Variants in PRDM15 observed in about 807,000 individuals in gnomAD.
PRDM15 encodes the protein PR domain zinc finger protein 15.
Under a neutral mutation model 128.6 loss-of-function variants are expected in PRDM15, and 64 were observed. That is an observed-to-expected ratio of 0.50 (90% CI 0.41 to 0.61). PRDM15 has a LOEUF of 0.61. Ranked by LOEUF, PRDM15 falls within the 20% of genes least tolerant of loss-of-function variation. The probability of loss-of-function intolerance (pLI) is 0.00; values close to 1 mark genes in which losing one functional copy is unlikely to be tolerated. For synonymous variants in PRDM15, 615 were observed against 621.8 expected (o/e 0.99, Z 0.16); for missense variants, 1,242 against 1,569.1 (o/e 0.79, Z 3.52).
chr21:41,839,603 C>G lies in PRDM15; in HGVS notation c.871+20G>C. The G allele has an allele frequency of 6.2e-7, 1 of 1,603,034 alleles. No homozygotes were observed. Among genetic ancestry groups the G allele is most frequent in the South Asian group, 1.1e-5 (1 of 90,934 alleles). The stretch of plus-strand genomic sequence containing the variant: ...GGCTGCGCCCCACGCAGGCACTCAT[C>G]CCCGGGACCCGCTCATCACCTGTGG... On this transcript the variant is annotated intron_variant, in intron 7 of 23. Coordinates refer to ENST00000398548, the MANE Select transcript of PRDM15 (RefSeq NM_001040424.3).
At position 41,839,668 on chromosome 21, in the gene PRDM15, T is replaced by C. The variant is rs369015399; in HGVS notation, c.826A>G (p.Lys276Glu). 4.3e-6 allele frequency: 7 copies of C among 1,614,270 alleles called. No homozygotes were observed. Among genetic ancestry groups the C allele is most frequent in the Non-Finnish European group, 5.9e-6 (7 of 1,180,052 alleles). The change falls in exon 7 of 24, where the codon AAA becomes GAA. Residue 276 changes from lysine to glutamate, a missense_variant. Coordinates refer to ENST00000398548, the MANE Select transcript of PRDM15 (RefSeq NM_001040424.3). Reference sequence around the variant, plus strand: ...ACGATGACTAGAGGCTGCTCAGCTTTGGACACTTTGGGTTTTCTCCCCCTT... The same window carrying C: ...ACGATGACTAGAGGCTGCTCAGCTTCGGACACTTTGGGTTTTCTCCCCCTT... ...PRRGRKPKVS[K>E]AEQPLVIVED... is the part of the protein sequence containing the mutation.
At chr21:41,803,500 C>T (rs568042557) in intron 22 of PRDM15, among the ~76,000 whole-genome samples, 1 of 152,234 alleles carries the variant, frequency 6.6e-6, no homozygotes. Context: ...CAGGCTCGCT[C>T]AGGCTCACAG....
chr21:41,836,667 T>A lies in PRDM15; in HGVS notation c.1002-18A>T. 6.3e-7 allele frequency: 1 copy of A among 1,576,908 alleles called. No homozygotes were observed. Among genetic ancestry groups the A allele is most frequent in the Non-Finnish European group, 8.7e-7 (1 of 1,153,206 alleles). On this transcript the variant is annotated intron_variant, in intron 8 of 23. Coordinates refer to ENST00000398548, the MANE Select transcript of PRDM15 (RefSeq NM_001040424.3). Reference sequence around the variant, plus strand: ...GGGTGAACCTGCCCAGGGACGTCAATAAGTTGGGAAAAGACAGGTGGGAAA... The same window carrying A: ...GGGTGAACCTGCCCAGGGACGTCAAAAAGTTGGGAAAAGACAGGTGGGAAA...
intron 1 of PRDM15, chr21:41,877,508 G>C (rs2064463382): frequency 6.6e-6 from 1 of 152,252 alleles, no homozygotes; most frequent in African/African-American, 2.4e-5. Flanking sequence ...AACGGAGTCT[G>C]AAAAATCATT....
At chr21:41,830,417 A>G (rs905241396) in intron 11 of PRDM15, among the ~76,000 whole-genome samples, 2,283 of 151,270 alleles carry the variant, frequency 0.015, 32 homozygotes, top group Non-Finnish European at 0.02. Flanking sequence ...TAAATACACA[A>G]TCACATATCA....
chr21:41,829,718 A>T (rs969319845), intron 11 of PRDM15, among the ~76,000 whole-genome samples: 2 of 151,030 alleles, frequency 1.3e-5, no homozygotes, highest in African/African-American at 4.9e-5. Context: ...TACCACACAC[A>T]CGAGCCCCAC....
chr21:41,868,691 T>C (rs1479580738), intron 1 of PRDM15, among the ~76,000 whole-genome samples: 36 of 98,472 alleles, frequency 3.7e-4, no homozygotes, highest in South Asian at 1.0e-3. Context: ...CCTTTTTCTT[T>C]TTCTTTTTTT....
chr21:41,864,940 C>T (rs1269368759), intron 1 of PRDM15, among the ~76,000 whole-genome samples: 5 of 149,588 alleles, frequency 3.3e-5, no homozygotes, highest in African/African-American at 1.2e-4. Context: ...GGTCCTGCCT[C>T]TGGGCCTTTC....
chr21:41,851,332 A>G (rs1242414325), intron 5 of PRDM15, among the ~76,000 whole-genome samples: 1 of 152,210 alleles, frequency 6.6e-6, no homozygotes, highest in Non-Finnish European at 1.5e-5. Flanking sequence ...CTTGTTATCT[A>G]TCGAGATACT....
intron 1 of PRDM15, among the ~76,000 whole-genome samples, chr21:41,873,773 G>A (rs889347477): frequency 6.6e-6 from 1 of 152,132 alleles, no homozygotes; most frequent in Non-Finnish European, 1.5e-5. Flanking sequence ...TGCTGGGCAC[G>A]GTGGCTTATA....
intron 1 of PRDM15, among the ~76,000 whole-genome samples, chr21:41,868,090 CT>C (rs1311399099): frequency 6.6e-6 from 1 of 151,892 alleles, no homozygotes; most frequent in Non-Finnish European, 1.5e-5. Context: ...AGCCTGTGAC[CT>C]TTGAGATTGG....
intron 1 of PRDM15, chr21:41,861,922 C>T: frequency 1.5e-5 from 25 of 1,613,080 alleles, no homozygotes; most frequent in Non-Finnish European, 2.0e-5. Flanking sequence ...CCTGGGAACA[C>T]ACATTCACGT....
At chr21:41,876,277 A>C (rs919685498) in intron 1 of PRDM15, among the ~76,000 whole-genome samples, 3 of 152,116 alleles carry the variant, frequency 2.0e-5, no homozygotes, top group African/African-American at 7.2e-5. Flanking sequence ...TTTTTCCCCT[A>C]ATCAGTTCAC....
In PRDM15 at chr21:41,821,244, G is replaced by A. The variant is rs571849383; in HGVS notation, c.1897-14C>T. On this transcript the variant is annotated splice_polypyrimidine_tract_variant and intron_variant, in intron 15 of 23. Coordinates refer to ENST00000398548, the MANE Select transcript of PRDM15 (RefSeq NM_001040424.3). The surrounding 1 kb of genome is among the most constrained non-coding windows in gnomAD (Gnocchi z 5.4). ...GCCGAAGGTGAGCTGCGGGCCAGGT[G>A]GACAGGGCACTGCTGACACCCGCAT... 4.3e-6 allele frequency: 7 copies of A among 1,613,920 alleles called. No homozygotes were observed. The highest frequency in any genetic ancestry group is 1.1e-5 in the South Asian group (1 of 91,068).
At position 41,821,097 on chromosome 21, in the gene PRDM15, C is replaced by A; in HGVS notation, c.2030G>T (p.Arg677Leu). ...ATYHAHMVIH[R>L]ENLPDPNVQK... ...CACGTTGGGGTCCGGCAGGTTTTCA[C>A]GGTGGATGACCATGTGGGCGTGGTA... Residue 677 changes from arginine to leucine, a missense_variant, in exon 16 of 24, where the codon CGT becomes CTT. Arg to Leu is a moderately radical substitution (Grantham distance 102). This residue lies in a region of PRDM15 where 602 missense variants were observed against 788.3 expected (regional missense o/e 0.76). Transcript: ENST00000398548. The surrounding 1 kb of genome is among the most constrained non-coding windows in gnomAD (Gnocchi z 5.4). 1 of 1,614,228 alleles carries A rather than the reference C, an allele frequency of 6.2e-7. No homozygotes were observed. The highest frequency in any genetic ancestry group is 1.3e-5 in the African/African-American group (1 of 75,058).
Position 41,816,418 on chromosome 21 carries a change from G to A in PRDM15, c.2261-582C>T, listed in dbSNP as rs578112491. 1.3e-4 allele frequency among the ~76,000 whole-genome samples: 20 copies of A among 152,310 alleles called. No homozygotes were observed. In the South Asian group the frequency reaches 3.7e-3, roughly 28 times the overall value. ...CTCCGCAGGGGGCACAGGCATGTGC[G>A]GCTTGGTACACCTGACCGTGAGGCT... is the stretch of plus-strand genomic sequence containing the variant. On this transcript the variant is annotated intron_variant, in intron 18 of 23. Transcript: ENST00000398548.
intron 6 of PRDM15, 107 bp downstream of exon 6, chr21:41,846,983 G>C (rs1427726048): frequency 2.7e-6 from 2 of 741,822 alleles, no homozygotes; most frequent in Non-Finnish European, 4.5e-6. Context: ...GGGGCAGACA[G>C]GACAAAGTCT....
At chr21:41,809,971 C>A (rs1468483309) in intron 21 of PRDM15, among the ~76,000 whole-genome samples, 183 bp downstream of exon 21, 1 of 152,254 alleles carries the variant, frequency 6.6e-6, no homozygotes, top group Non-Finnish European at 1.5e-5. Context: ...CTCCTAACCT[C>A]TCGCAGCCAC....
intron 1 of PRDM15, 50 bp from the exon 2 acceptor site, chr21:41,860,422 C>T: frequency 1.3e-6 from 2 of 1,555,028 alleles, no homozygotes; most frequent in Non-Finnish European, 1.8e-6. Context: ...TACCAAAATA[C>T]TTTTGTTTTG....
Sources: gnomAD v4.1 joint callset for allele counts (sites outside exome capture counted in the v4.1 genomes callset) on GRCh38, gnomAD v4.1.1 for gene constraint, gnomAD v4.1.1 regional missense constraint, Gnocchi (gnomAD v3.1) non-coding constraint, MANE v1.5 for transcripts, NCBI Gene and HGNC (gene_info 2026-07-23, HGNC 2026-07-21) for gene names.